Variants in WDR17 observed in about 807,000 individuals in gnomAD.
WDR17 encodes the protein WD repeat domain 17.
In WDR17, 143 loss-of-function variants were observed where a neutral mutation model predicts 161.7. The ratio of observed to expected loss-of-function variants is 0.88; its 90% confidence interval spans 0.77 to 1.02. The LOEUF (loss-of-function observed/expected upper bound fraction) is 1.02. Among genes scored for constraint, WDR17 ranks in the 50% least tolerant of loss-of-function variants. The probability of loss-of-function intolerance (pLI) is 0.00; values close to 1 mark genes in which losing one functional copy is unlikely to be tolerated. For synonymous variants in WDR17, 517 were observed against 515.6 expected, an observed-to-expected ratio of 1.00 and a Z score of -0.04; for missense variants, 1,469 against 1,520.9, an observed-to-expected ratio of 0.97 and a Z score of 0.57.
At chr4:176,096,585 A>G in intron 1 of WDR17, 1 of 1,583,008 alleles carries the variant, frequency 6.3e-7, no homozygotes, top group Middle Eastern at 1.7e-4. Context: ...GACTACAAAG[A>G]GTAAGATACA....
intron 1 of WDR17, among the ~76,000 whole-genome samples, chr4:176,069,424 A>G (rs1271301239): frequency 6.6e-6 from 1 of 152,202 alleles, no homozygotes; most frequent in Non-Finnish European, 1.5e-5. Context: ...ACAGGAGGTA[A>G]TTTAACAATG....
intron 3 of WDR17, among the ~76,000 whole-genome samples, chr4:176,117,474 G>A (rs990629885): frequency 8.6e-5 from 13 of 151,994 alleles, no homozygotes; most frequent in Non-Finnish European, 1.8e-4. Context: ...CAAAGTCAAC[G>A]TTAGGTTATA....
rs376696055 is a variant in WDR17, at chr4:176,150,621, C to T, written c.2304+28C>T. The T allele has an allele frequency of 3.2e-6, 5 of 1,547,628 alleles. No homozygotes were observed. In the African/African-American group the frequency reaches 4.2e-5, roughly 13 times the overall value. On this transcript the variant is annotated intron_variant, in intron 16 of 28. Coordinates refer to ENST00000508596, the MANE Select transcript of WDR17 (RefSeq NM_181265.4). ...GAGTAAAATATGCAAATATGATGTA[C>T]TCAAGCAAATTTTTTGCCTTTTCAC...
chr4:176,094,138 G>A (rs1214582926), intron 1 of WDR17, among the ~76,000 whole-genome samples: 1 of 152,050 alleles, frequency 6.6e-6, no homozygotes, highest in East Asian at 1.9e-4. Flanking sequence ...AAGTGATTTT[G>A]TTTAGCTGCT....
chr4:176,114,225 C>T (rs1740232670), intron 2 of WDR17, among the ~76,000 whole-genome samples: 2 of 151,430 alleles, frequency 1.3e-5, no homozygotes, highest in Admixed American at 6.6e-5. Context: ...CTATTTATTC[C>T]TAAATGTATA....
chr4:176,102,861 T>G (rs1268507618), intron 1 of WDR17, among the ~76,000 whole-genome samples: 3 of 152,168 alleles, frequency 2.0e-5, no homozygotes, highest in Non-Finnish European at 4.4e-5. Flanking sequence ...TGGCAGCTAC[T>G]CATCCCTCAC....
intron 22 of WDR17, among the ~76,000 whole-genome samples, chr4:176,163,619 T>C (rs1415061531): frequency 6.6e-6 from 1 of 151,744 alleles, no homozygotes; most frequent in African/African-American, 2.4e-5. Flanking sequence ...AAATTCCGCA[T>C]ATCTACACTT....
At chr4:176,153,109 G>T (rs775662528) in intron 17 of WDR17, among the ~76,000 whole-genome samples, 6 of 152,106 alleles carry the variant, frequency 3.9e-5, no homozygotes, top group African/African-American at 7.2e-5. Context: ...AAACTGCGGG[G>T]TTGGAGCCCA....
intron 26 of WDR17, among the ~76,000 whole-genome samples, chr4:176,176,830 A>C (rs557156347): frequency 2.6e-5 from 4 of 152,258 alleles, no homozygotes; most frequent in Non-Finnish European, 4.4e-5. Context: ...TCATTTACTC[A>C]TCCACCCAAT....
chr4:176,131,710 C>A lies in WDR17; in HGVS notation c.1070C>A (p.Ala357Asp), dbSNP rs774093217. The change falls in exon 7 of 29, where the codon GCT becomes GAT. Residue 357 changes from alanine to aspartate, a missense_variant. Ala to Asp is a moderately radical substitution (Grantham distance 126). Transcript: ENST00000508596. ...GGAGTTGGACTTTATGATATGGGAG[C>A]TAAGAAGTGGGATTTTCTTAGAGAC... ...DGGVGLYDMG[A>D]KKWDFLRDLG... is the part of the protein sequence containing the mutation. 11 of 1,611,438 alleles carry A rather than the reference C, an allele frequency of 6.8e-6. No homozygotes were observed. The highest frequency in any genetic ancestry group is 2.7e-5 in the African/African-American group (2 of 74,776).
chr4:176,130,165 G>A (rs1318120541), intron 6 of WDR17, among the ~76,000 whole-genome samples: 1 of 152,058 alleles, frequency 6.6e-6, no homozygotes. Context: ...AAAAATAAAC[G>A]TACTCGCTGA....
chr4:176,160,052 A>G lies in WDR17; in HGVS notation c.2584A>G (p.Ile862Val). ...TGATGTCATTCCATACTGCATAGCC[A>G]TTGGTGATGTGAAAAAGCTAGTCCA... ...KDDVIPYCIA[I>V]GDVKKLVHFF... is the part of the protein sequence containing the mutation. Residue 862 changes from isoleucine to valine, a missense_variant, in exon 19 of 29, where the codon ATT becomes GTT. Ile to Val is a conservative substitution (Grantham distance 29, BLOSUM62 3). Coordinates refer to ENST00000508596, the MANE Select transcript of WDR17 (RefSeq NM_181265.4). 2 of 1,613,782 alleles carry G rather than the reference A, an allele frequency of 1.2e-6. No individual in the cohort carries two copies. Among genetic ancestry groups the G allele is most frequent in the Non-Finnish European group, 1.7e-6 (2 of 1,179,756 alleles).
intron 28 of WDR17, among the ~76,000 whole-genome samples, chr4:176,178,291 T>C (rs773183165): frequency 6.6e-6 from 1 of 152,164 alleles, no homozygotes; most frequent in Non-Finnish European, 1.5e-5. Flanking sequence ...TGTATACACC[T>C]TTATTATCCA....
intron 1 of WDR17, among the ~76,000 whole-genome samples, chr4:176,083,269 A>G (rs1481200548): frequency 2.0e-5 from 3 of 152,104 alleles, no homozygotes; most frequent in Non-Finnish European, 4.4e-5. Flanking sequence ...CATTAAAAAG[A>G]ACTCATTGAC....
chr4:176,100,612 G>T (rs1737665333), intron 1 of WDR17, among the ~76,000 whole-genome samples: 1 of 151,962 alleles, frequency 6.6e-6, no homozygotes, highest in Admixed American at 6.6e-5. Flanking sequence ...ATCTATTTTT[G>T]TTTTTGCTGC....
rs386357678 is a variant in WDR17 at position 176,074,810 on chromosome 4, CT to C, written c.-7+8753del. Among the ~76,000 whole-genome samples, 442 of 79,174 alleles carry C rather than the reference CT, an allele frequency of 5.6e-3. 1 individual carries two copies. The highest frequency in any genetic ancestry group is 0.026 in the East Asian group (57 of 2,174). 51.9% of individuals were successfully genotyped at this position (79,174 alleles called of 152,430 possible). ...TGGGCATGCGGGATTTTTTTTAATG[CT>C]TTTTTTTTTTTTTTTTTTTTTGCTG... On this transcript the variant is annotated intron_variant, in intron 1 of 28. Transcript: ENST00000508596.
chr4:176,125,501 T>A, intron 5 of WDR17, 146 bp downstream of exon 5: 1 of 1,018,046 alleles, frequency 9.8e-7, no homozygotes, highest in African/African-American at 1.6e-5. Context: ...CTAGTGTACT[T>A]TTATTTATAT....
intron 20 of WDR17, 49 bp from the exon 21 acceptor site, chr4:176,162,026 A>T: frequency 6.8e-7 from 1 of 1,463,418 alleles, no homozygotes; most frequent in Non-Finnish European, 9.3e-7. Flanking sequence ...GTTTGCTTTT[A>T]TAATGGAATA....
rs145118895 is a variant in WDR17, at chr4:176,165,511, T to A, written c.2990+2218T>A. On this transcript the variant is annotated intron_variant, in intron 22 of 28. Coordinates refer to ENST00000508596, the MANE Select transcript of WDR17 (RefSeq NM_181265.4). ...AACTCCCTCAAAACTTAACTACTAA[T>A]AGCCTACTCTTGACTGGAAGCCTTA... 4.0e-3 allele frequency among the ~76,000 whole-genome samples: 615 copies of A among 152,348 alleles called. 2 individuals carry two copies. The highest frequency in any genetic ancestry group is 0.014 in the African/African-American group (594 of 41,576).
Sources: gnomAD v4.1 joint callset for allele counts (sites outside exome capture counted in the v4.1 genomes callset) on GRCh38, gnomAD v4.1.1 for gene constraint, MANE v1.5 for transcripts, NCBI Gene and HGNC (gene_info 2026-07-23, HGNC 2026-07-21) for gene names.